The following NALF1 variants were observed in gnomAD, a reference collection of about 807,000 sequenced individuals.
NALF1 encodes NALCN channel auxiliary factor 1.
NALF1 carries 3 observed loss-of-function variants against 48.4 expected under a neutral mutation model. The ratio of observed to expected loss-of-function variants is 0.06; its 90% confidence interval spans 0.03 to 0.16. The LOEUF (loss-of-function observed/expected upper bound fraction) is 0.16. Ranked by LOEUF, NALF1 falls within the 10% of genes least tolerant of loss-of-function variation. NALF1 has a pLI of 1.00. For synonymous variants in NALF1, 262 were observed against 245.7 expected, an observed-to-expected ratio of 1.07 and a Z score of -0.62; for missense variants, 526 against 571.5, an observed-to-expected ratio of 0.92 and a Z score of 0.81.
rs367605478 is a variant in NALF1, at chr13:107,326,433, C to G, written c.916-115678G>C. 9.2e-5 allele frequency among the ~76,000 whole-genome samples: 14 copies of G among 152,200 alleles called. No homozygotes were observed. In the East Asian group the frequency reaches 2.5e-3, roughly 27 times the overall value. On this transcript the variant is annotated intron_variant, in intron 1 of 2. Transcript: ENST00000375915. ...ATTAACGATTGACCTTTCCTCCATG[C>G]AAGACATTGTAATAAGTGAATTATA...
intron 2 of NALF1, among the ~76,000 whole-genome samples, chr13:107,184,607 T>C (rs1879134285): frequency 6.6e-6 from 1 of 152,208 alleles, no homozygotes; most frequent in Non-Finnish European, 1.5e-5. Context: ...TTTCTTTTTC[T>C]ATCTAAATTC....
At chr13:107,507,192 T>C (rs1011910580) in intron 1 of NALF1, among the ~76,000 whole-genome samples, 2 of 152,104 alleles carry the variant, frequency 1.3e-5, no homozygotes, top group Admixed American at 1.3e-4. Flanking sequence ...TAGAATTTCA[T>C]GTTAAGCTGA....
intron 1 of NALF1, among the ~76,000 whole-genome samples, chr13:107,734,667 ATG>A (rs1433051151): frequency 6.6e-6 from 1 of 152,084 alleles, no homozygotes; most frequent in East Asian, 1.9e-4. Flanking sequence ...TAAGACATTT[ATG>A]TCTTTGAGCC....
intron 1 of NALF1, among the ~76,000 whole-genome samples, chr13:107,410,943 T>G (rs1169494237): frequency 6.6e-6 from 1 of 152,148 alleles, no homozygotes; most frequent in African/African-American, 2.4e-5. Flanking sequence ...GTCCTCAGAT[T>G]TTCAATAATA....
At chr13:107,520,911 G>A (rs1876216288) in intron 1 of NALF1, among the ~76,000 whole-genome samples, 2 of 152,084 alleles carry the variant, frequency 1.3e-5, no homozygotes, top group Non-Finnish European at 1.5e-5. Context: ...ATGCAGCAGT[G>A]GGGTCCTCTC....
chr13:107,675,518 C>T (rs999471568), intron 1 of NALF1, among the ~76,000 whole-genome samples: 8 of 152,248 alleles, frequency 5.3e-5, no homozygotes, highest in South Asian at 2.1e-4. Context: ...TTTCTTGAAT[C>T]GCTAGAATTT....
At chr13:107,851,153 T>C (rs1395471864) in intron 1 of NALF1, among the ~76,000 whole-genome samples, 1 of 152,162 alleles carries the variant, frequency 6.6e-6, no homozygotes, top group Non-Finnish European at 1.5e-5. Flanking sequence ...AGTGGAATCT[T>C]CTCTCTTTCA....
chr13:107,426,749 A>T (rs1424150107), intron 1 of NALF1, among the ~76,000 whole-genome samples: 2 of 152,180 alleles, frequency 1.3e-5, no homozygotes, highest in Non-Finnish European at 2.9e-5. Context: ...ATTTTAAAAT[A>T]CACAAATCAA....
chr13:107,458,983 A>G (rs1203386623), intron 1 of NALF1, among the ~76,000 whole-genome samples: 4 of 151,964 alleles, frequency 2.6e-5, no homozygotes, highest in Non-Finnish European at 5.9e-5. Context: ...GTTATAATTG[A>G]CGACCTTGAG....
At chr13:107,347,910 G>A (rs973018919) in intron 1 of NALF1, among the ~76,000 whole-genome samples, 6 of 152,138 alleles carry the variant, frequency 3.9e-5, no homozygotes, top group African/African-American at 7.2e-5. Context: ...CCACAAGAAC[G>A]CTCCTGACCC....
At chr13:107,469,068 T>G (rs1410013553) in intron 1 of NALF1, among the ~76,000 whole-genome samples, 1 of 152,164 alleles carries the variant, frequency 6.6e-6, no homozygotes, top group Non-Finnish European at 1.5e-5. Context: ...ACCGATATAC[T>G]CACTTTTCTA....
intron 1 of NALF1, among the ~76,000 whole-genome samples, chr13:107,766,574 T>C (rs16971072): frequency 0.04 from 6,062 of 152,298 alleles, 152 homozygotes; most frequent in African/African-American, 0.066. Flanking sequence ...GATCAATACA[T>C]ATTTAAGCAG....
At chr13:107,211,981 CA>C (rs1182462792) in intron 1 of NALF1, among the ~76,000 whole-genome samples, 2 of 152,162 alleles carry the variant, frequency 1.3e-5, no homozygotes, top group Non-Finnish European at 2.9e-5. Context: ...ATCCAGACTT[CA>C]AACCCATGTT....
intron 1 of NALF1, among the ~76,000 whole-genome samples, chr13:107,210,972 T>C (rs1879748978): frequency 6.6e-6 from 1 of 152,244 alleles, no homozygotes; most frequent in Non-Finnish European, 1.5e-5. Flanking sequence ...ATTGCATCCC[T>C]AATAGAATGT....
intron 1 of NALF1, among the ~76,000 whole-genome samples, chr13:107,413,561 T>C (rs529247818): frequency 5.9e-5 from 9 of 152,248 alleles, no homozygotes; most frequent in Non-Finnish European, 1.2e-4. Context: ...CGATGTGTAA[T>C]AGGTGACTAT....
chr13:107,522,785 CT>C (rs111998867), intron 1 of NALF1, among the ~76,000 whole-genome samples: 3,546 of 151,392 alleles, frequency 0.023, 140 homozygotes, highest in African/African-American at 0.082. Context: ...TCTTTTTTTT[CT>C]TTTTTGTATT....
chr13:107,577,703 A>C (rs1237859502), intron 1 of NALF1, among the ~76,000 whole-genome samples: 4 of 151,930 alleles, frequency 2.6e-5, no homozygotes, highest in Admixed American at 6.6e-5. Flanking sequence ...CTCTCCCTCA[A>C]GTTTTCTGTG....
intron 1 of NALF1, among the ~76,000 whole-genome samples, chr13:107,607,165 C>A (rs1879096578): frequency 6.6e-6 from 1 of 152,120 alleles, no homozygotes; most frequent in South Asian, 2.1e-4. Flanking sequence ...TGTAGGAAAC[C>A]TAAATCCAAT....
intron 2 of NALF1, among the ~76,000 whole-genome samples, chr13:107,187,408 C>T (rs1377316286): frequency 6.6e-6 from 1 of 152,016 alleles, no homozygotes; most frequent in African/African-American, 2.4e-5. Context: ...TAATACTCTT[C>T]TCTCATCACC....
Sources: gnomAD v4.1 joint callset for allele counts (sites outside exome capture counted in the v4.1 genomes callset) on GRCh38, gnomAD v4.1.1 for gene constraint, MANE v1.5 for transcripts, NCBI Gene and HGNC (gene_info 2026-07-23, HGNC 2026-07-21) for gene names.